L3MBTL3: variants seen among roughly 807,000 people sequenced by gnomAD.
L3MBTL3 encodes lethal(3)malignant brain tumor-like protein 3.
Under a neutral mutation model 102.3 loss-of-function variants are expected in L3MBTL3, and 27 were observed. The observed-to-expected ratio is 0.26, with a 90% CI of 0.19 to 0.36. L3MBTL3 has a LOEUF of 0.36. Among genes scored for constraint, L3MBTL3 ranks in the 10% least tolerant of loss-of-function variants. The pLI, the probability that L3MBTL3 is intolerant of heterozygous loss-of-function variation, is 1.00. For synonymous variants in L3MBTL3, 340 were observed against 320.9 expected, an observed-to-expected ratio of 1.06 and a Z score of -0.64; for missense variants, 798 against 955.3, an observed-to-expected ratio of 0.84 and a Z score of 2.17.
chr6:130,076,442 C>T (rs1250196178), intron 13 of L3MBTL3, among the ~76,000 whole-genome samples: 1 of 152,068 alleles, frequency 6.6e-6, no homozygotes, highest in Non-Finnish European at 1.5e-5. Context: ...TAACTTTATC[C>T]TTATAAGCAT....
At chr6:130,108,621 G>A (rs1440918534) in intron 19 of L3MBTL3, among the ~76,000 whole-genome samples, 1 of 152,086 alleles carries the variant, frequency 6.6e-6, no homozygotes, top group Non-Finnish European at 1.5e-5. Context: ...CAAATGAATG[G>A]CTGGACCATT....
At chr6:130,121,815 G>A (rs1357414438) in intron 20 of L3MBTL3, among the ~76,000 whole-genome samples, 1 of 152,224 alleles carries the variant, frequency 6.6e-6, no homozygotes, top group Non-Finnish European at 1.5e-5. Context: ...GGAGGCCAAG[G>A]CAGGCAGATC....
intron 18 of L3MBTL3, among the ~76,000 whole-genome samples, chr6:130,103,116 A>C (rs1413931796): frequency 6.6e-6 from 1 of 152,168 alleles, no homozygotes; most frequent in South Asian, 2.1e-4. Context: ...TTTTTCTGGG[A>C]TGTTGGCAAG....
At chr6:130,088,135 C>T (rs1783807007) in intron 16 of L3MBTL3, among the ~76,000 whole-genome samples, 1 of 152,094 alleles carries the variant, frequency 6.6e-6, no homozygotes, top group Non-Finnish European at 1.5e-5. Context: ...TTCTCTAATA[C>T]AACATCCTGG....
chr6:130,136,348 C>A (rs1373485684), intron 22 of L3MBTL3, among the ~76,000 whole-genome samples: 1 of 152,192 alleles, frequency 6.6e-6, no homozygotes, highest in Non-Finnish European at 1.5e-5. Context: ...TCTCTTGCCC[C>A]CTGGCTTTTT....
intron 22 of L3MBTL3, 104 bp from the exon 23 acceptor site, chr6:130,139,506 T>C: frequency 9.6e-7 from 1 of 1,043,744 alleles, no homozygotes; most frequent in Non-Finnish European, 1.4e-6. Flanking sequence ...CTGTGCTTTT[T>C]TAGCATTGCT....
chr6:130,121,627 G>A (rs1394110909), intron 20 of L3MBTL3, among the ~76,000 whole-genome samples: 1 of 151,842 alleles, frequency 6.6e-6, no homozygotes, highest in Non-Finnish European at 1.5e-5. Context: ...CTTTAGTATT[G>A]TTGATATCAT....
Position 130,064,844 on chromosome 6 carries a change from A to T in L3MBTL3, c.865-1509A>T, listed in dbSNP as rs140807589. ...GATAGAGACTATGGGGAGAACAGAG[A>T]GAGCTTGGCTCAAGGGAGCAGAAGC... is the stretch of plus-strand genomic sequence containing the variant. On this transcript the variant is annotated intron_variant, in intron 10 of 22. Coordinates refer to ENST00000361794, the MANE Select transcript of L3MBTL3 (RefSeq NM_032438.4). 4.6e-3 allele frequency among the ~76,000 whole-genome samples: 708 copies of T among 152,322 alleles called. 5 individuals are homozygous for T. Among genetic ancestry groups the T allele is most frequent in the Middle Eastern group, 0.014 (4 of 294 alleles).
chr6:130,101,917 G>A (rs1414405509), intron 18 of L3MBTL3, among the ~76,000 whole-genome samples: 3 of 152,140 alleles, frequency 2.0e-5, no homozygotes, highest in Non-Finnish European at 2.9e-5. Flanking sequence ...TGAATACAAT[G>A]AAATACTACC....
chr6:130,098,429 T>C (rs915853588), intron 18 of L3MBTL3, among the ~76,000 whole-genome samples: 2 of 152,182 alleles, frequency 1.3e-5, no homozygotes, highest in Non-Finnish European at 2.9e-5. Context: ...GGAGTGGCGC[T>C]CAGAGAGAAG....
At chr6:130,022,633 A>G (rs1779085343) in intron 2 of L3MBTL3, among the ~76,000 whole-genome samples, 1 of 152,242 alleles carries the variant, frequency 6.6e-6, no homozygotes, top group Non-Finnish European at 1.5e-5. Flanking sequence ...ATGATTGTAA[A>G]TTAATATAAG....
intron 19 of L3MBTL3, among the ~76,000 whole-genome samples, chr6:130,112,911 C>G (rs1253623720): frequency 6.6e-6 from 1 of 152,124 alleles, no homozygotes; most frequent in Non-Finnish European, 1.5e-5. Flanking sequence ...TGAGGAGTGT[C>G]TTTTGTGCCA....
intron 18 of L3MBTL3, among the ~76,000 whole-genome samples, chr6:130,098,072 A>G (rs1006226640): frequency 5.9e-5 from 9 of 152,164 alleles, no homozygotes; most frequent in African/African-American, 2.2e-4. Flanking sequence ...CATCTCAAAA[A>G]AAAAAAGTAA....
At chr6:130,033,683 G>A (rs1024936394) in intron 2 of L3MBTL3, among the ~76,000 whole-genome samples, 9 of 152,154 alleles carry the variant, frequency 5.9e-5, no homozygotes, top group African/African-American at 2.2e-4. Flanking sequence ...TGCTTTTAAG[G>A]TCATGTCTAC....
intron 20 of L3MBTL3, among the ~76,000 whole-genome samples, chr6:130,128,930 A>T (rs535576020): frequency 7.2e-5 from 11 of 152,116 alleles, no homozygotes; most frequent in Admixed American, 1.3e-4. Flanking sequence ...ACCCTGTTGG[A>T]GGTGCACAGG....
chr6:130,121,027 G>A (rs886578284), intron 20 of L3MBTL3, 69 bp downstream of exon 20: 1 of 910,440 alleles, frequency 1.1e-6, no homozygotes, highest in Non-Finnish European at 1.7e-6. Context: ...AGCCTTAACT[G>A]GAATACAACA....
chr6:130,031,057 G>A (rs1231561955), intron 2 of L3MBTL3, among the ~76,000 whole-genome samples: 3 of 152,052 alleles, frequency 2.0e-5, no homozygotes, highest in Admixed American at 1.3e-4. Flanking sequence ...TAGTGGCTGC[G>A]TATTTCTCTG....
At chr6:130,048,245 CATA>C (rs1462219905) in intron 3 of L3MBTL3, among the ~76,000 whole-genome samples, 4 of 152,272 alleles carry the variant, frequency 2.6e-5, no homozygotes, top group Middle Eastern at 3.4e-3. Context: ...ATAATTTGCT[CATA>C]ATTTCTGTGA....
At chr6:130,049,856 A>C in intron 5 of L3MBTL3, 26 bp downstream of exon 5, 1 of 1,592,060 alleles carries the variant, frequency 6.3e-7, no homozygotes, top group Non-Finnish European at 8.5e-7. Flanking sequence ...CATGTCTGAA[A>C]TGCAATTCAT....
Sources: gnomAD v4.1 joint callset for allele counts (sites outside exome capture counted in the v4.1 genomes callset) on GRCh38, gnomAD v4.1.1 for gene constraint, MANE v1.5 for transcripts, NCBI Gene and HGNC (gene_info 2026-07-23, HGNC 2026-07-21) for gene names.